Variants in CNTNAP2 observed in about 807,000 individuals in gnomAD.
CNTNAP2 encodes contactin-associated protein-like 2.
CNTNAP2 carries 98 observed loss-of-function variants against 155.2 expected under a neutral mutation model. The ratio of observed to expected loss-of-function variants is 0.63; its 90% CI spans 0.54 to 0.75. CNTNAP2 has a LOEUF of 0.75. Ranked by LOEUF, CNTNAP2 falls within the 30% of genes least tolerant of loss-of-function variation. The pLI, the probability that CNTNAP2 is intolerant of heterozygous loss-of-function variation, is 0.00. For synonymous variants in CNTNAP2, 651 were observed against 631.2 expected, an observed-to-expected ratio of 1.03 and a Z score of -0.47; for missense variants, 1,727 against 1,688.1, an observed-to-expected ratio of 1.02 and a Z score of -0.40.
intron 1 of CNTNAP2, among the ~76,000 whole-genome samples, chr7:146,397,724 T>C (rs1303381233): frequency 6.6e-6 from 1 of 152,152 alleles, no homozygotes; most frequent in Non-Finnish European, 1.5e-5. Context: ...TACAATACTT[T>C]AGACATGACA....
chr7:146,245,594 G>A (rs1177562368), intron 1 of CNTNAP2, among the ~76,000 whole-genome samples: 2 of 152,046 alleles, frequency 1.3e-5, no homozygotes, highest in South Asian at 2.1e-4. Flanking sequence ...AGGAAGGAAA[G>A]GAGTTGTTGT....
intron 11 of CNTNAP2, among the ~76,000 whole-genome samples, chr7:147,542,115 A>G (rs564005667): frequency 3.3e-4 from 50 of 152,298 alleles, no homozygotes; most frequent in African/African-American, 1.2e-3. Context: ...ATTGATGTCT[A>G]ATTAGAGTTG....
At chr7:146,721,617 T>C (rs1411152594) in intron 1 of CNTNAP2, among the ~76,000 whole-genome samples, 176 of 97,952 alleles carry the variant, frequency 1.8e-3, no homozygotes, top group African/African-American at 7.5e-3. Flanking sequence ...TCTATATATA[T>C]ATTCTATATA....
chr7:146,355,164 T>G (rs934829541), intron 1 of CNTNAP2, among the ~76,000 whole-genome samples: 1 of 152,226 alleles, frequency 6.6e-6, no homozygotes, highest in Non-Finnish European at 1.5e-5. Context: ...GTGGACTGTT[T>G]TTCTTTATAT....
At chr7:146,489,584 G>A (rs1797108951) in intron 1 of CNTNAP2, among the ~76,000 whole-genome samples, 1 of 152,144 alleles carries the variant, frequency 6.6e-6, no homozygotes, top group Non-Finnish European at 1.5e-5. Flanking sequence ...TGCTACCAGG[G>A]CCACAGTTGG....
chr7:146,483,306 TATATATATATATATATATATATAC>T lies in CNTNAP2; in HGVS notation c.98-290952_98-290929del, dbSNP rs1371488834. Among the ~76,000 whole-genome samples, 708 of 90,530 alleles carry T rather than the reference TATATATATATATATATATATATAC, an allele frequency of 7.8e-3. 21 individuals are homozygous for T. Among genetic ancestry groups the T allele is most frequent in the Middle Eastern group, 0.069 (14 of 204 alleles). 59.4% of individuals were successfully genotyped at this position (90,530 alleles called of 152,430 possible). A position where few individuals can be genotyped will look rare whatever the true frequency, so the allele number is the denominator to read the frequency against. ...AAATATATATATATATATATATATA[TATATATATATATATATATATATAC>T]ATATATATATATTTAAGCACAGAGT... is the stretch of plus-strand genomic sequence containing the variant. On this transcript the variant is annotated intron_variant, in intron 1 of 23. Coordinates refer to ENST00000361727, the MANE Select transcript of CNTNAP2 (RefSeq NM_014141.6).
intron 13 of CNTNAP2, among the ~76,000 whole-genome samples, chr7:147,657,972 C>CATTA (rs1584883346): frequency 5.2e-4 from 78 of 149,240 alleles, no homozygotes; most frequent in Middle Eastern, 3.6e-3. Context: ...AGATAGCCGA[C>CATTA]CTGGCCGGGC....
intron 1 of CNTNAP2, among the ~76,000 whole-genome samples, chr7:146,695,058 C>T (rs896905153): frequency 6.6e-6 from 1 of 152,000 alleles, no homozygotes; most frequent in Non-Finnish European, 1.5e-5. Context: ...ATTCTTTCTC[C>T]CCAGCCTGTA....
chr7:147,443,507 C>T (rs1382771252), intron 10 of CNTNAP2, among the ~76,000 whole-genome samples: 1 of 152,012 alleles, frequency 6.6e-6, no homozygotes, highest in Non-Finnish European at 1.5e-5. Flanking sequence ...AAGTTAAAAT[C>T]CAGCACTGCG....
At chr7:147,469,205 A>G (rs1798169583) in intron 10 of CNTNAP2, among the ~76,000 whole-genome samples, 1 of 152,176 alleles carries the variant, frequency 6.6e-6, no homozygotes, top group South Asian at 2.1e-4. Flanking sequence ...TCATTAATGG[A>G]GCACAAAACC....
intron 14 of CNTNAP2, among the ~76,000 whole-genome samples, chr7:147,973,676 C>A (rs1406550680): frequency 6.6e-6 from 1 of 152,154 alleles, no homozygotes; most frequent in Non-Finnish European, 1.5e-5. Context: ...AGGTAATTTT[C>A]ACCTCATCTA....
chr7:147,373,348 T>G (rs1796380685), intron 9 of CNTNAP2, among the ~76,000 whole-genome samples: 1 of 152,092 alleles, frequency 6.6e-6, no homozygotes, highest in African/African-American at 2.4e-5. Context: ...TCTTACTAGA[T>G]TTTTTTAACC....
chr7:146,676,795 C>G (rs763983036), intron 1 of CNTNAP2, among the ~76,000 whole-genome samples: 3 of 152,132 alleles, frequency 2.0e-5, no homozygotes, highest in Non-Finnish European at 4.4e-5. Flanking sequence ...TCTCATGAGA[C>G]TTTTTCACTA....
At chr7:146,900,688 A>T (rs930972608) in intron 3 of CNTNAP2, among the ~76,000 whole-genome samples, 4 of 152,118 alleles carry the variant, frequency 2.6e-5, no homozygotes, top group Admixed American at 2.6e-4. Flanking sequence ...CCAGACTCCA[A>T]TGAGGCAGTA....
intron 15 of CNTNAP2, among the ~76,000 whole-genome samples, chr7:148,109,508 C>T (rs879699121): frequency 2.6e-5 from 4 of 152,112 alleles, no homozygotes; most frequent in Admixed American, 6.5e-5. Context: ...CCTCAGCCTC[C>T]CAAGTAGCTG....
chr7:147,474,450 T>G (rs570786082), intron 10 of CNTNAP2, among the ~76,000 whole-genome samples: 10 of 151,772 alleles, frequency 6.6e-5, no homozygotes, highest in Admixed American at 5.9e-4. Flanking sequence ...TAAAAATTAG[T>G]TGGGCATCTG....
chr7:147,186,831 T>G (rs555154363), intron 8 of CNTNAP2, among the ~76,000 whole-genome samples: 1 of 152,204 alleles, frequency 6.6e-6, no homozygotes, highest in East Asian at 1.9e-4. Flanking sequence ...GTGCTAAGGA[T>G]AGAAATGCAG....
chr7:147,807,091 C>G (rs851667), intron 13 of CNTNAP2, among the ~76,000 whole-genome samples: 1 of 151,794 alleles, frequency 6.6e-6, no homozygotes, highest in South Asian at 2.1e-4. Flanking sequence ...GTGGGAGAAT[C>G]GCTTGAACCC....
chr7:148,153,053 A>G (rs915623885), intron 17 of CNTNAP2, among the ~76,000 whole-genome samples: 1 of 149,658 alleles, frequency 6.7e-6, no homozygotes, highest in African/African-American at 2.5e-5. Context: ...AAAAAGCTAA[A>G]CTCTAAACCA....
Sources: allele counts gnomAD v4.1 joint callset (sites outside exome capture counted in the v4.1 genomes callset), GRCh38; gene constraint gnomAD v4.1.1; transcripts MANE v1.5; gene names NCBI Gene and HGNC (gene_info 2026-07-23, HGNC 2026-07-21).